The following RNF212B variants were observed in gnomAD, a reference collection of about 807,000 sequenced individuals.
The protein encoded by RNF212B is E3 ubiquitin-protein ligase RNF212B.
Under a neutral mutation model 55.5 loss-of-function variants are expected in RNF212B, and 52 were observed. That is an observed-to-expected ratio of 0.94 (90% confidence interval 0.75 to 1.18). The LOEUF is 1.18. RNF212B is among the 50% of genes most tolerant of loss of function. The pLI is 0.00. For missense variants in RNF212B, 289 were observed against 350.4 expected (o/e 0.82, Z 1.40); for synonymous variants, 99 against 121.4 (o/e 0.82, Z 1.21).
intron 2 of RNF212B, among the ~76,000 whole-genome samples, chr14:23,208,757 G>GTTTTTTTTTTTTTTTT (rs1166613606): frequency 3.1e-5 from 3 of 98,110 alleles, no homozygotes; most frequent in African/African-American, 1.4e-4. Flanking sequence ...GCTGGTTGCC[G>GTTTTTTTTTTTTTTTT]TTTTTTTTTT....
intron 1 of RNF212B, among the ~76,000 whole-genome samples, chr14:23,186,767 A>C (rs1431740373): frequency 6.6e-6 from 1 of 152,234 alleles, no homozygotes. Context: ...GTTATCTTAA[A>C]GATTTTAAAA....
At chr14:23,234,692 C>T (rs186321400), upstream of RNF212B, among the ~76,000 whole-genome samples, 9 of 152,360 alleles carry the variant, frequency 5.9e-5, no homozygotes, top group East Asian at 1.9e-4. Context: ...AAATTACAGA[C>T]GTTTTATAAT....
intron 2 of RNF212B, among the ~76,000 whole-genome samples, chr14:23,224,474 CAAGG>C (rs1325846995): frequency 1.3e-5 from 2 of 152,166 alleles, no homozygotes; most frequent in African/African-American, 4.8e-5. Context: ...TCATTTTGGG[CAAGG>C]ATGCCAACAA....
At chr14:23,213,226 T>A (rs977095774) in intron 2 of RNF212B, among the ~76,000 whole-genome samples, 1 of 151,452 alleles carries the variant, frequency 6.6e-6, no homozygotes, top group African/African-American at 2.4e-5. Flanking sequence ...GGCAGGAGAA[T>A]GGCGTGAACC....
In RNF212B at chr14:23,244,309, G is replaced by T; in HGVS notation, c.154-13G>T. The T allele has an allele frequency of 6.7e-7, 1 of 1,497,908 alleles. No individual in the cohort carries two copies. The highest frequency in any genetic ancestry group is 9.0e-7 in the Non-Finnish European group (1 of 1,106,878). The allele number at this position is 1,497,908 out of a possible 1,614,324, so 92.8% of individuals were successfully genotyped here. A position where few individuals can be genotyped will look rare whatever the true frequency, so the allele number is the denominator to read the frequency against. ...TGTGGATATTCTCACAGTGTGTATT[G>T]CTCTCTTCGTAGCTGAAGCCTCAGG... On this transcript the variant is annotated splice_polypyrimidine_tract_variant and intron_variant, in intron 3 of 14. Transcript: ENST00000430154.
intron 2 of RNF212B, chr14:23,229,952 C>A: frequency 5.0e-6 from 1 of 198,748 alleles, no homozygotes; most frequent in Non-Finnish European, 1.1e-5. Flanking sequence ...CCATCTCGTG[C>A]ACAATTCCTT....
At position 23,197,069 on chromosome 14, in the gene RNF212B, A is replaced by G. The variant is rs1467886438; in HGVS notation, c.-2+3668A>G. On this transcript the variant is annotated intron_variant, in intron 2 of 15. Transcript: ENST00000399910. ...GGACTAAGTAGGTACCCAATTTAAA[A>G]TTGCTGAATGAATGTATATAGGACA... Among the ~76,000 whole-genome samples, 3 of 152,202 alleles carry G rather than the reference A, an allele frequency of 2.0e-5. No individual in the cohort carries two copies. In the East Asian group the frequency reaches 5.8e-4, roughly 29 times the overall value.
intron 2 of RNF212B, among the ~76,000 whole-genome samples, chr14:23,210,040 A>G (rs1880325525): frequency 6.6e-6 from 1 of 152,206 alleles, no homozygotes; most frequent in Non-Finnish European, 1.5e-5. Flanking sequence ...AATCCCAGCT[A>G]CTGGGGAGGC....
intron 3 of RNF212B, among the ~76,000 whole-genome samples, chr14:23,243,540 T>C (rs178776): frequency 0.51 from 77,122 of 150,386 alleles, 20,234 homozygotes; most frequent in African/African-American, 0.63. Context: ...TACTAAAATA[T>C]AAAAAATTAG....
At chr14:23,219,495 A>G (rs1367878821) in intron 2 of RNF212B, among the ~76,000 whole-genome samples, 1 of 148,948 alleles carries the variant, frequency 6.7e-6, no homozygotes, top group African/African-American at 2.5e-5. Context: ...TTTTTTTGAG[A>G]CAGTCTCACT....
chr14:23,258,490 A>G, intron 4 of RNF212B, 59 bp from the exon 5 acceptor site: 1 of 762,254 alleles, frequency 1.3e-6, no homozygotes, highest in South Asian at 1.9e-5. Context: ...CTTTCTTGCC[A>G]GAAGTGAAGG....
upstream of RNF212B, among the ~76,000 whole-genome samples, chr14:23,236,893 ATGT>A (rs1566418507): frequency 6.6e-6 from 1 of 150,502 alleles, no homozygotes; most frequent in African/African-American, 2.5e-5. Flanking sequence ...AATCTGGAAA[ATGT>A]TGTTTCATTG....
intron 7 of RNF212B, 127 bp downstream of exon 7, chr14:23,260,814 AGAGT>A (rs764604717): frequency 3.2e-5 from 27 of 846,938 alleles, no homozygotes; most frequent in Non-Finnish European, 5.1e-5. Flanking sequence ...TCTCCGAGGA[AGAGT>A]TAGTTACTGA....
At chr14:23,245,854 G>C (rs979611734) in intron 4 of RNF212B, among the ~76,000 whole-genome samples, 17 of 152,224 alleles carry the variant, frequency 1.1e-4, no homozygotes, top group Admixed American at 1.1e-3. Context: ...AAACAGATTT[G>C]GTTGGTTTTG....
At chr14:23,265,111 G>A (rs1885593584) in intron 11 of RNF212B, among the ~76,000 whole-genome samples, 1 of 152,182 alleles carries the variant, frequency 6.6e-6, no homozygotes, top group African/African-American at 2.4e-5. Flanking sequence ...GTGAGCCACT[G>A]TGCCCGGCCT....
In RNF212B at chr14:23,269,780, A is replaced by G. The variant is rs1003390638; in HGVS notation, c.675-83A>G. ...ATTTTTTCCTCTCTGGCCTAGCTGT[A>G]TAGGCTCTTCCATTACATATGCTTT... is the stretch of plus-strand genomic sequence containing the variant. On this transcript the variant is annotated intron_variant, in intron 12 of 14. Transcript: ENST00000430154. 8 of 744,748 alleles carry G rather than the reference A, an allele frequency of 1.1e-5. No homozygotes were observed. The East Asian group carries it at 1.1e-4, about 10-fold the overall frequency. The allele number at this position is 744,748 out of a possible 1,614,324, so 46.1% of individuals were successfully genotyped here.
At chr14:23,245,790 C>T (rs1883933970) in intron 4 of RNF212B, among the ~76,000 whole-genome samples, 1 of 152,160 alleles carries the variant, frequency 6.6e-6, no homozygotes, top group Non-Finnish European at 1.5e-5. Context: ...TTTTCTCTAA[C>T]ATTATGTTAT....
chr14:23,267,020 G>T (rs1594952350), intron 11 of RNF212B, among the ~76,000 whole-genome samples: 1 of 152,278 alleles, frequency 6.6e-6, no homozygotes, highest in South Asian at 2.1e-4. Flanking sequence ...TGATGCTGGA[G>T]TGTAGTGGCA....
intron 7 of RNF212B, 128 bp downstream of exon 7, chr14:23,260,815 GAGTT>G (rs1885241282): frequency 3.5e-6 from 3 of 846,294 alleles, no homozygotes; most frequent in Non-Finnish European, 3.8e-6. Context: ...CTCCGAGGAA[GAGTT>G]AGTTACTGAA....
Sources: allele counts gnomAD v4.1 joint callset (sites outside exome capture counted in the v4.1 genomes callset), GRCh38; gene constraint gnomAD v4.1.1; transcripts MANE v1.5; gene names NCBI Gene and HGNC (gene_info 2026-07-23, HGNC 2026-07-21).